The following XPA variants were observed in gnomAD, a reference collection of about 807,000 sequenced individuals.
XPA encodes DNA repair protein complementing XP-A cells.
A neutral mutation model predicts 35.7 loss-of-function variants in XPA; 27 were observed. That is an observed-to-expected ratio of 0.76 (90% confidence interval 0.56 to 1.04). XPA has a LOEUF of 1.04. Ranked by LOEUF, XPA falls within the 50% of genes least tolerant of loss-of-function variation. XPA has a pLI of 0.00. For missense variants in XPA, 354 were observed against 342.7 expected, an observed-to-expected ratio of 1.03 and a Z score of -0.26; for synonymous variants, 133 against 118.4, an observed-to-expected ratio of 1.12 and a Z score of -0.80.
At chr9:97,664,565 C>T in the XPA span, 91 of 631,438 alleles carry the variant, frequency 1.4e-4, no homozygotes, top group Admixed American at 8.6e-5. Context: ...ATGGTCCAAT[C>T]TGGTAGGATT....
intron 2 of XPA, among the ~76,000 whole-genome samples, chr9:97,693,386 C>A (rs1235497834): frequency 6.6e-6 from 1 of 152,176 alleles, no homozygotes; most frequent in East Asian, 1.9e-4. Flanking sequence ...TACTGGCTAA[C>A]CCTGCCTATT....
the XPA span, among the ~76,000 whole-genome samples, chr9:97,656,542 C>T: frequency 6.6e-4 from 101 of 152,232 alleles, no homozygotes; most frequent in African/African-American, 2.1e-3. Context: ...CAGAGCGACA[C>T]TCTTATCTCA....
chr9:97,687,534 A>G (rs1387653625), intron 3 of XPA, among the ~76,000 whole-genome samples: 1 of 152,196 alleles, frequency 6.6e-6, no homozygotes, highest in Non-Finnish European at 1.5e-5. Flanking sequence ...GTATTTTGCA[A>G]AGAGAGCTTA....
At chr9:97,672,703 C>T, downstream of XPA, 1 of 174,792 alleles carries the variant, frequency 5.7e-6, no homozygotes, top group Non-Finnish European at 1.2e-5. Context: ...AGACCAGCCC[C>T]TTGTCTTCCT....
intron 5 of XPA, chr9:97,682,386 C>G (rs1364755745): frequency 1.9e-6 from 1 of 518,984 alleles, no homozygotes; most frequent in South Asian, 1.4e-5. Flanking sequence ...GTGTCTACTC[C>G]AGTCTCAGCC....
chr9:97,687,325 C>A, intron 3 of XPA, 64 bp from the exon 4 acceptor site: 1 of 1,444,510 alleles, frequency 6.9e-7, no homozygotes, highest in Non-Finnish European at 9.3e-7. Flanking sequence ...TTGCAAATAG[C>A]CCAGCAACTT....
downstream of XPA, chr9:97,672,504 C>T (rs1564033283): frequency 6.6e-6 from 1 of 152,162 alleles, no homozygotes; most frequent in African/African-American, 2.4e-5. Flanking sequence ...GGTTGCGTGG[C>T]TGGTTAGTAA....
intron 4 of XPA, 95 bp downstream of exon 4, chr9:97,687,001 T>C: frequency 7.8e-7 from 1 of 1,278,392 alleles, no homozygotes; most frequent in Non-Finnish European, 1.1e-6. Context: ...AAAGAGTTTT[T>C]CCACACTCTG....
intron 4 of XPA, among the ~76,000 whole-genome samples, chr9:97,686,686 C>G (rs7038360): frequency 2.0e-5 from 3 of 151,912 alleles, no homozygotes; most frequent in Non-Finnish European, 4.4e-5. Flanking sequence ...CAGCACTTTG[C>G]GAGGCCAAAG....
chr9:97,660,141 T>C, the XPA span, among the ~76,000 whole-genome samples: 2 of 152,246 alleles, frequency 1.3e-5, no homozygotes, highest in African/African-American at 2.4e-5. Flanking sequence ...GATTCTGTTT[T>C]TCTTCGCCTT....
the XPA span, chr9:97,655,688 C>A: frequency 6.2e-7 from 1 of 1,601,162 alleles, no homozygotes; most frequent in South Asian, 1.1e-5. Context: ...CCTACCTCCC[C>A]CTTCTCTACG....
chr9:97,697,042 G>A, intron 1 of XPA, 79 bp downstream of exon 1: 1 of 1,447,176 alleles, frequency 6.9e-7, no homozygotes, highest in Non-Finnish European at 9.1e-7. Context: ...CCCGGGCCCC[G>A]GGACTCGGCT....
At chr9:97,658,021 C>G in the XPA span, among the ~76,000 whole-genome samples, 1 of 150,374 alleles carries the variant, frequency 6.7e-6, no homozygotes, top group Non-Finnish European at 1.5e-5. Context: ...TTTTCTTGCC[C>G]TATCACTGGA....
chr9:97,663,171 G>A, the XPA span: 1 of 710,548 alleles, frequency 1.4e-6, no homozygotes, highest in Non-Finnish European at 2.4e-6. Flanking sequence ...ATGGTTTTTA[G>A]ATCTAATTCT....
downstream of XPA, chr9:97,669,918 AC>A: frequency 3.9e-6 from 2 of 507,970 alleles, no homozygotes; most frequent in South Asian, 1.9e-5. Context: ...CCCCCCAACA[AC>A]CCCCCGCCCC....
the XPA span, chr9:97,664,566 T>C: frequency 3.2e-6 from 2 of 620,270 alleles, no homozygotes; most frequent in Non-Finnish European, 5.5e-6. Flanking sequence ...TGGTCCAATC[T>C]GGTAGGATTG....
At chr9:97,659,112 G>A in the XPA span, among the ~76,000 whole-genome samples, 1 of 152,204 alleles carries the variant, frequency 6.6e-6, no homozygotes, top group Non-Finnish European at 1.5e-5. Flanking sequence ...CATATTTGTG[G>A]CAGTATGCCT....
At chr9:97,656,589 A>T in the XPA span, among the ~76,000 whole-genome samples, 3 of 152,222 alleles carry the variant, frequency 2.0e-5, no homozygotes, top group Admixed American at 2.0e-4. Flanking sequence ...ATATGAAATG[A>T]ATTCAGATTT....
intron 3 of XPA, among the ~76,000 whole-genome samples, chr9:97,689,231 C>A (rs886267218): frequency 6.6e-6 from 1 of 151,962 alleles, no homozygotes; most frequent in Non-Finnish European, 1.5e-5. Context: ...GAAGGGTTAG[C>A]AGCCTACTAC....
Sources: gnomAD v4.1 joint callset for allele counts (sites outside exome capture counted in the v4.1 genomes callset) on GRCh38, gnomAD v4.1.1 for gene constraint, MANE v1.5 for transcripts, NCBI Gene and HGNC (gene_info 2026-07-23, HGNC 2026-07-21) for gene names.